CNMD: variants seen among roughly 807,000 people sequenced by gnomAD.
CNMD encodes leukocyte cell-derived chemotaxin 1.
CNMD carries 30 observed loss-of-function variants against 37.5 expected under a neutral mutation model. The ratio of observed to expected loss-of-function variants is 0.80; its 90% CI spans 0.60 to 1.09. The LOEUF (loss-of-function observed/expected upper bound fraction) is 1.09. CNMD is among the 50% of genes least tolerant of loss of function. The probability of loss-of-function intolerance (pLI) is 0.00; values close to 1 mark genes in which losing one functional copy is unlikely to be tolerated. For synonymous variants in CNMD, 167 were observed against 148.2 expected (o/e 1.13, Z -0.92); for missense variants, 398 against 423.9 (o/e 0.94, Z 0.54).
At chr13:52,738,796 T>C (rs1566235015) in intron 2 of CNMD, among the ~76,000 whole-genome samples, 1 of 152,170 alleles carries the variant, frequency 6.6e-6, no homozygotes, top group Non-Finnish European at 1.5e-5. Flanking sequence ...GACCGTCCAC[T>C]ACATTCTCCC....
chr13:52,724,993 C>T (rs1266147002), intron 3 of CNMD, among the ~76,000 whole-genome samples: 1 of 152,002 alleles, frequency 6.6e-6, no homozygotes, highest in East Asian at 1.9e-4. Context: ...GTAATTTAGA[C>T]AGACAGCATA....
intron 2 of CNMD, among the ~76,000 whole-genome samples, chr13:52,735,856 G>A (rs1964750522): frequency 7.1e-6 from 1 of 141,144 alleles, no homozygotes; most frequent in Non-Finnish European, 1.5e-5. Context: ...TTGAGATGGA[G>A]TCTTGCTCTG....
intron 3 of CNMD, among the ~76,000 whole-genome samples, chr13:52,731,467 T>C (rs180998482): frequency 1.4e-4 from 22 of 152,292 alleles, no homozygotes; most frequent in Middle Eastern, 3.4e-3. Context: ...TTTAAACCCA[T>C]AACAGGTTCT....
intron 5 of CNMD, among the ~76,000 whole-genome samples, chr13:52,711,503 T>TGC (rs1357805100): frequency 6.6e-6 from 1 of 152,210 alleles, no homozygotes; most frequent in Admixed American, 6.5e-5. Context: ...TTACTGAGCC[T>TGC]GCATGTGGTC....
At chr13:52,711,327 C>G (rs1017664742) in intron 5 of CNMD, among the ~76,000 whole-genome samples, 3 of 152,144 alleles carry the variant, frequency 2.0e-5, no homozygotes, top group Non-Finnish European at 2.9e-5. Flanking sequence ...CAGGTGGTGG[C>G]AGGTGTGGAA....
At chr13:52,707,247 G>A (rs4242995) in intron 6 of CNMD, among the ~76,000 whole-genome samples, 151,191 of 152,312 alleles carry the variant, frequency 0.99, 75,040 homozygotes, top group East Asian at 1. Flanking sequence ...CTACTTTTTC[G>A]CTCCCTGAAA....
intron 3 of CNMD, 147 bp downstream of exon 3, chr13:52,733,072 G>A (rs778616146): frequency 2.6e-6 from 2 of 757,366 alleles, no homozygotes; most frequent in African/African-American, 1.7e-5. Context: ...GAGAGAATAT[G>A]CTACATGTAG....
intron 6 of CNMD, among the ~76,000 whole-genome samples, chr13:52,706,394 T>C (rs1964173921): frequency 6.6e-6 from 1 of 152,204 alleles, no homozygotes; most frequent in Non-Finnish European, 1.5e-5. Flanking sequence ...AGAGGCACAA[T>C]ACTAATAGCT....
rs3783243 is a variant in CNMD at position 52,737,601 on chromosome 13, T to G, written c.213+1430A>C. Among the ~76,000 whole-genome samples, 231 of 152,324 alleles carry G rather than the reference T, an allele frequency of 1.5e-3. 9 individuals are homozygous for G. In the East Asian group the frequency reaches 0.037, roughly 25 times the overall value. On this transcript the variant is annotated intron_variant, in intron 2 of 6. Transcript: ENST00000377962. ...CAAATGGTATTCATTTTAAAATATA[T>G]CATGTCCAGAATCTTTACCAAAAAA...
chr13:52,735,000 C>T (rs747122237), intron 2 of CNMD, among the ~76,000 whole-genome samples: 1 of 152,196 alleles, frequency 6.6e-6, no homozygotes, highest in Non-Finnish European at 1.5e-5. Context: ...TTCAGCTCAA[C>T]CATCCCTCAT....
rs755077767 is a variant in CNMD at position 52,739,176 on chromosome 13, G to A, written c.73-5C>T. 11 of 1,474,448 alleles carry A rather than the reference G, an allele frequency of 7.5e-6. No individual in the cohort carries two copies. Among genetic ancestry groups the A allele is most frequent in the South Asian group, 1.4e-5 (1 of 70,088 alleles). 91.3% of individuals were successfully genotyped at this position (1,474,448 alleles called of 1,614,324 possible). A position where few individuals can be genotyped will look rare whatever the true frequency, so the allele number is the denominator to read the frequency against. Reference sequence around the variant, plus strand: ...CACCGTCAGCGTAGCGTACGCCTGCGGGCCGGGGCGGGAGAGGGACCGTCG... The same window carrying A: ...CACCGTCAGCGTAGCGTACGCCTGCAGGCCGGGGCGGGAGAGGGACCGTCG... On this transcript the variant is annotated splice_polypyrimidine_tract_variant and splice_region_variant and intron_variant, in intron 1 of 6. Coordinates refer to ENST00000377962, the MANE Select transcript of CNMD (RefSeq NM_007015.3). This position sits in a 1 kb window ranked among gnomAD's most constrained non-coding sequence, Gnocchi z 5.4.
intron 3 of CNMD, among the ~76,000 whole-genome samples, chr13:52,727,001 C>T (rs9563116): frequency 0.32 from 48,935 of 152,052 alleles, 7,856 homozygotes; most frequent in East Asian, 0.45. Flanking sequence ...CACAGTGGCT[C>T]ACACCTGTAA....
At chr13:52,715,917 G>A (rs1193556411) in intron 4 of CNMD, among the ~76,000 whole-genome samples, 1 of 152,156 alleles carries the variant, frequency 6.6e-6, no homozygotes, top group Non-Finnish European at 1.5e-5. Flanking sequence ...GATCCTTGAG[G>A]AATCACCACA....
At chr13:52,735,579 C>T (rs576102218) in intron 2 of CNMD, among the ~76,000 whole-genome samples, 8 of 151,846 alleles carry the variant, frequency 5.3e-5, no homozygotes, top group Admixed American at 1.3e-4. Context: ...CAGGGATAGC[C>T]AATCTTTTGG....
chr13:52,707,880 G>A (rs765029668), intron 6 of CNMD, among the ~76,000 whole-genome samples: 1 of 151,946 alleles, frequency 6.6e-6, no homozygotes, highest in Non-Finnish European at 1.5e-5. Context: ...GGCCAAGGCA[G>A]GTGGATCACC....
intron 4 of CNMD, among the ~76,000 whole-genome samples, chr13:52,719,596 G>A (rs962485471): frequency 1.2e-4 from 19 of 152,250 alleles, no homozygotes; most frequent in African/African-American, 4.1e-4. Context: ...GGCTTAGTTT[G>A]GCTGGATATG....
At chr13:52,730,692 T>C (rs1361106490) in intron 3 of CNMD, among the ~76,000 whole-genome samples, 3 of 152,228 alleles carry the variant, frequency 2.0e-5, no homozygotes, top group African/African-American at 7.2e-5. Flanking sequence ...CTAAGGCTTT[T>C]TGTTATATAA....
Position 52,733,017 on chromosome 13 carries a change from T to G in CNMD, c.354+202A>C. ...TGGTATTTTACAACTGAAGTGTTGT[T>G]TTTTTCTTTTGCAAATATGAAGGAC... is the stretch of plus-strand genomic sequence containing the variant. On this transcript the variant is annotated intron_variant, in intron 3 of 6. Transcript: ENST00000377962. The G allele has an allele frequency of 6.7e-6, 4 of 593,278 alleles. No homozygotes were observed. The South Asian group carries it at 8.3e-5, about 12-fold the overall frequency. The allele number at this position is 593,278 out of a possible 1,614,324, so 36.8% of individuals were successfully genotyped here.
At chr13:52,738,122 T>A (rs1053088253) in intron 2 of CNMD, among the ~76,000 whole-genome samples, 1 of 152,210 alleles carries the variant, frequency 6.6e-6, no homozygotes, top group Non-Finnish European at 1.5e-5. Context: ...CAATCACCAA[T>A]CCTCTGAGGA....
Sources: allele counts gnomAD v4.1 joint callset (sites outside exome capture counted in the v4.1 genomes callset), GRCh38; gene constraint gnomAD v4.1.1; non-coding constraint Gnocchi (gnomAD v3.1); transcripts MANE v1.5; gene names NCBI Gene and HGNC (gene_info 2026-07-23, HGNC 2026-07-21).